The following BLM variants were observed in gnomAD, a reference collection of about 807,000 sequenced individuals.
BLM encodes BLM RecQ like helicase.
In BLM, 95 loss-of-function variants were observed where a neutral mutation model predicts 135.3. The observed-to-expected ratio is 0.70, with a 90% confidence interval of 0.59 to 0.83. BLM has a LOEUF of 0.83. BLM is among the 40% of genes least tolerant of loss of function. The pLI is 0.00. For synonymous variants in BLM, 520 were observed against 589.2 expected (o/e 0.88, Z 1.70); for missense variants, 1,518 against 1,663.9 (o/e 0.91, Z 1.53).
intron 14 of BLM, among the ~76,000 whole-genome samples, chr15:90,789,987 GTTTTTTTT>G (rs61059865): frequency 1.2e-3 from 71 of 57,356 alleles, no homozygotes; most frequent in African/African-American, 2.8e-3. Flanking sequence ...AGTCCCTGGT[GTTTTTTTT>G]TTTTTTTTTT....
At chr15:90,801,915 G>A (rs1217514425) in intron 17 of BLM, among the ~76,000 whole-genome samples, 3 of 152,096 alleles carry the variant, frequency 2.0e-5, no homozygotes, top group African/African-American at 7.2e-5. Context: ...AATTAATCAG[G>A]CATGGTAGCA....
intron 1 of BLM, among the ~76,000 whole-genome samples, chr15:90,724,656 T>G (rs529453374): frequency 6.6e-6 from 1 of 152,292 alleles, no homozygotes; most frequent in South Asian, 2.1e-4. Context: ...ATCAGCTTAT[T>G]ATAAACAACT....
chr15:90,811,129 G>A (rs1297985723), intron 20 of BLM, 76 bp from the exon 21 acceptor site: 61 of 1,494,368 alleles, frequency 4.1e-5, no homozygotes, highest in Middle Eastern at 4.7e-4. Flanking sequence ...CCCCTGCAGC[G>A]TGTCTCTTCA....
At chr15:90,772,490 C>G (rs1425277956) in intron 12 of BLM, among the ~76,000 whole-genome samples, 1 of 152,154 alleles carries the variant, frequency 6.6e-6, no homozygotes, top group African/African-American at 2.4e-5. Flanking sequence ...ACCTCCTTGT[C>G]CACACAAAAG....
Position 90,751,843 on chromosome 15 carries a change from G to T in BLM, c.856G>T (p.Val286Phe), listed in dbSNP as rs758301305. Residue 286 changes from valine to phenylalanine, a missense_variant, in exon 4 of 22, where the codon GTT becomes TTT. Val to Phe is a conservative substitution (Grantham distance 50, BLOSUM62 -1). Coordinates refer to ENST00000355112, the MANE Select transcript of BLM (RefSeq NM_000057.4). ...AGCTGAATTACATTCAACTGAGAAAGTTCCATGTATTGAATTTGATGATGA... is the reference window on the plus strand; with the variant it reads ...AGCTGAATTACATTCAACTGAGAAATTTCCATGTATTGAATTTGATGATGA... ...EEAELHSTEK[V>F]PCIEFDDDDY... 17 of 1,612,878 alleles carry T rather than the reference G, an allele frequency of 1.1e-5. No individual in the cohort carries two copies. Among genetic ancestry groups the T allele is most frequent in the Non-Finnish European group, 1.4e-5 (16 of 1,178,994 alleles).
At chr15:90,781,459 T>C (rs1896614891) in intron 12 of BLM, among the ~76,000 whole-genome samples, 1 of 152,048 alleles carries the variant, frequency 6.6e-6, no homozygotes, top group Admixed American at 6.6e-5. Context: ...ACCCCATCTC[T>C]ACTAAAAATA....
At chr15:90,800,497 A>G (rs937909496) in intron 17 of BLM, among the ~76,000 whole-genome samples, 1 of 152,176 alleles carries the variant, frequency 6.6e-6, no homozygotes, top group East Asian at 1.9e-4. Flanking sequence ...CCTGACCAAC[A>G]TGGAGAAACT....
At position 90,796,692 on chromosome 15, in the gene BLM, C is replaced by T. The variant is rs73502410; in HGVS notation, c.3211-1498C>T. Among the ~76,000 whole-genome samples the T allele has an allele frequency of 2.2e-3, 336 of 152,142 alleles. 1 individual carries two copies. The highest frequency in any genetic ancestry group is 6.6e-3 in the African/African-American group (275 of 41,502). On this transcript the variant is annotated intron_variant, in intron 16 of 21. Transcript: ENST00000355112. ...ACAGTCCATTCGAGCTTTGTGGCCA[C>T]GTAGTGACAGTGAAAATGCCAAGTT...
chr15:90,769,753 G>C (rs1896254376), intron 12 of BLM, among the ~76,000 whole-genome samples, 167 bp downstream of exon 12: 1 of 150,324 alleles, frequency 6.7e-6, no homozygotes, highest in Non-Finnish European at 1.5e-5. Flanking sequence ...TTGGGGCTGA[G>C]AGCCAGTATT....
At chr15:90,773,916 T>A (rs2151170675) in intron 12 of BLM, among the ~76,000 whole-genome samples, 1 of 152,212 alleles carries the variant, frequency 6.6e-6, no homozygotes, top group Middle Eastern at 3.4e-3. Flanking sequence ...AGTGTTTTGG[T>A]TTTTTTGAAT....
At chr15:90,774,436 A>C (rs1461388240) in intron 12 of BLM, among the ~76,000 whole-genome samples, 1 of 152,046 alleles carries the variant, frequency 6.6e-6, no homozygotes, top group Non-Finnish European at 1.5e-5. Flanking sequence ...CATGCTTATC[A>C]ACACTTGTTA....
chr15:90,751,713 TA>T, intron 3 of BLM, 73 bp from the exon 4 acceptor site: 1 of 1,341,606 alleles, frequency 7.5e-7, no homozygotes, highest in South Asian at 1.2e-5. Context: ...CACTCATTCT[TA>T]ATCGCTCATG....
chr15:90,798,334 T>C lies in BLM; in HGVS notation c.3355T>C (p.Leu1119=), dbSNP rs201847046. 3 of 1,612,936 alleles carry C rather than the reference T, an allele frequency of 1.9e-6. No homozygotes were observed. The African/African-American group carries it at 4.0e-5, about 21-fold the overall frequency. ...FTMNMLVDIF[L]GSKSAKIQSG... is the part of the protein sequence containing the mutation. ...TATGAATATGCTGGTCGACATTTTC[T>C]TGGGTAAGTCATCTGTTTTGAATGT... Residue 1119 remains leucine, a synonymous_variant, in exon 17 of 22, where the codon TTG becomes CTG. Coordinates refer to ENST00000355112, the MANE Select transcript of BLM (RefSeq NM_000057.4).
At chr15:90,729,117 C>T (rs896531443) in intron 1 of BLM, among the ~76,000 whole-genome samples, 4 of 152,058 alleles carry the variant, frequency 2.6e-5, no homozygotes, top group African/African-American at 4.8e-5. Context: ...TGAGACTAGC[C>T]TGGCCAACGT....
intron 1 of BLM, among the ~76,000 whole-genome samples, chr15:90,743,128 T>C (rs2238333): frequency 0.44 from 66,306 of 151,356 alleles, 15,938 homozygotes; most frequent in African/African-American, 0.66. Flanking sequence ...CCCTGAGTAG[T>C]TGGGACTGTA....
At chr15:90,734,914 A>G (rs112463807) in intron 1 of BLM, among the ~76,000 whole-genome samples, 55 of 152,208 alleles carry the variant, frequency 3.6e-4, no homozygotes, top group African/African-American at 1.3e-3. Context: ...AAAAAGTAAT[A>G]TTGTCCCTAC....
At chr15:90,724,041 C>G (rs1021828699) in intron 1 of BLM, among the ~76,000 whole-genome samples, 13 of 151,980 alleles carry the variant, frequency 8.6e-5, no homozygotes, top group Admixed American at 5.2e-4. Context: ...CAGACAGGGT[C>G]TTGCTCAGCT....
At chr15:90,729,717 A>G (rs1277067149) in intron 1 of BLM, among the ~76,000 whole-genome samples, 1 of 152,244 alleles carries the variant, frequency 6.6e-6, no homozygotes, top group Admixed American at 6.5e-5. Context: ...CACCTTTGTC[A>G]TGTAACCAAG....
chr15:90,806,342 C>G (rs1897284503), intron 19 of BLM, among the ~76,000 whole-genome samples: 1 of 152,066 alleles, frequency 6.6e-6, no homozygotes, highest in African/African-American at 2.4e-5. Context: ...AAAACCCCGT[C>G]TCTACTAAGA....
Sources: allele counts gnomAD v4.1 joint callset (sites outside exome capture counted in the v4.1 genomes callset), GRCh38; gene constraint gnomAD v4.1.1; transcripts MANE v1.5; gene names NCBI Gene and HGNC (gene_info 2026-07-23, HGNC 2026-07-21).